The following EFHB variants were observed in gnomAD, a reference collection of about 807,000 sequenced individuals.
The protein encoded by EFHB is EF-hand domain family member B, also known as EF-hand domain-containing family member B.
Under a neutral mutation model 87.2 loss-of-function variants are expected in EFHB, and 91 were observed. That is an observed-to-expected ratio of 1.04 (90% confidence interval 0.88 to 1.24). The LOEUF (loss-of-function observed/expected upper bound fraction) is 1.24, where lower values mean the gene tolerates loss of function less well. Among genes scored for constraint, EFHB ranks in the 50% most tolerant of loss-of-function variants. EFHB has a pLI of 0.00. For synonymous variants in EFHB, 325 were observed against 333.6 expected, an observed-to-expected ratio of 0.97 and a Z score of 0.28; for missense variants, 1,084 against 998.8, an observed-to-expected ratio of 1.09 and a Z score of -1.15.
At chr3:19,904,497 C>G (rs1694773785) in intron 6 of EFHB, among the ~76,000 whole-genome samples, 2 of 152,234 alleles carry the variant, frequency 1.3e-5, no homozygotes. Flanking sequence ...TGCCACCACA[C>G]CCAGCCCATT....
chr3:19,924,874 TAAA>T (rs749988784), intron 1 of EFHB, among the ~76,000 whole-genome samples: 1 of 150,874 alleles, frequency 6.6e-6, no homozygotes, highest in South Asian at 2.1e-4. Context: ...AGTATAATAA[TAAA>T]AAAAAAGAAA....
chr3:19,920,439 G>C, intron 2 of EFHB, 66 bp downstream of exon 2: 2 of 1,313,844 alleles, frequency 1.5e-6, no homozygotes, highest in Non-Finnish European at 2.1e-6. Flanking sequence ...ACGTTGAGTT[G>C]CCTATTCCTT....
rs571985287 is a variant in EFHB at position 19,893,574 on chromosome 3, T to C, written c.1725+3113A>G. 1.1e-4 allele frequency among the ~76,000 whole-genome samples: 16 copies of C among 152,274 alleles called. No homozygotes were observed. In the South Asian group the frequency reaches 2.1e-3, roughly 20 times the overall value. ...CTGAAGACTGCATCATAAAGAAAAATGCCTTAGTGCAGTTCTCTCAAACTG... is the reference window on the plus strand; with the variant it reads ...CTGAAGACTGCATCATAAAGAAAAACGCCTTAGTGCAGTTCTCTCAAACTG... On this transcript the variant is annotated intron_variant, in intron 9 of 12. Coordinates refer to ENST00000295824, the MANE Select transcript of EFHB (RefSeq NM_144715.4).
At chr3:19,937,742 TTC>T (rs1440912388), upstream of EFHB, among the ~76,000 whole-genome samples, 1 of 152,128 alleles carries the variant, frequency 6.6e-6, no homozygotes, top group Non-Finnish European at 1.5e-5. Context: ...ACCTTATCAC[TTC>T]TCTCTCTCAG....
At chr3:19,904,261 G>A (rs914532018) in intron 6 of EFHB, among the ~76,000 whole-genome samples, 11 of 152,166 alleles carry the variant, frequency 7.2e-5, no homozygotes, top group South Asian at 6.2e-4. Context: ...AACTGATGGC[G>A]TAAAAAAATG....
At chr3:19,899,333 AATAG>A (rs1369663986) in intron 7 of EFHB, 95 bp downstream of exon 7, 2 of 732,142 alleles carry the variant, frequency 2.7e-6, no homozygotes, top group South Asian at 2.7e-5. Context: ...TTTCTTATTT[AATAG>A]ATAGAATCTA....
chr3:19,939,845 C>G (rs112937973), intron 1 of EFHB, among the ~76,000 whole-genome samples: 69 of 152,308 alleles, frequency 4.5e-4, no homozygotes, highest in Non-Finnish European at 7.2e-4. Flanking sequence ...CTAAAAAAGG[C>G]TTTGATAAAC....
chr3:19,882,433 C>T, intron 12 of EFHB, 117 bp downstream of exon 12: 1 of 960,506 alleles, frequency 1.0e-6, no homozygotes, highest in Non-Finnish European at 1.4e-6. Context: ...ATCAAGAATC[C>T]TATACTTGGG....
At chr3:19,943,261 C>G in intron 1 of EFHB, 1 of 264,406 alleles carries the variant, frequency 3.8e-6, no homozygotes. Context: ...CTGGAAAACA[C>G]CCACACAAGA....
At chr3:19,893,450 G>A (rs1694372354) in intron 9 of EFHB, among the ~76,000 whole-genome samples, 1 of 152,158 alleles carries the variant, frequency 6.6e-6, no homozygotes, top group Non-Finnish European at 1.5e-5. Context: ...GTGGCAATAG[G>A]GGGAGCGCAG....
At chr3:19,908,975 A>C (rs1396651441) in intron 5 of EFHB, among the ~76,000 whole-genome samples, 7 of 151,926 alleles carry the variant, frequency 4.6e-5, no homozygotes, top group African/African-American at 1.7e-4. Context: ...GTGGAGCAAG[A>C]CGGCAGAATA....
intron 9 of EFHB, among the ~76,000 whole-genome samples, chr3:19,892,892 A>AAAATAAAATAATAAGATG (rs1694350620): frequency 6.6e-6 from 1 of 151,352 alleles, no homozygotes; most frequent in Non-Finnish European, 1.5e-5. Context: ...AAAATAATAT[A>AAAATAAAATAATAAGATG]AAATCAGTAT....
At position 19,915,161 on chromosome 3, in the gene EFHB, G is replaced by A. The variant is rs79596608; in HGVS notation, c.1288+142C>T. 2.3e-3 allele frequency: 1,319 copies of A among 583,742 alleles called. 14 individuals carry two copies. The African/African-American group carries it at 0.024, about 11-fold the overall frequency. 36.2% of individuals were successfully genotyped at this position (583,742 alleles called of 1,614,324 possible). On this transcript the variant is annotated intron_variant, in intron 5 of 12. Transcript: ENST00000295824. The stretch of plus-strand genomic sequence containing the variant: ...AGTACAGGTTTTCCCAGCTATCATG[G>A]TTTATGACCTTATGAATAATATTGT...
intron 9 of EFHB, among the ~76,000 whole-genome samples, chr3:19,888,966 A>G (rs1694205775): frequency 6.6e-6 from 1 of 152,182 alleles, no homozygotes; most frequent in Non-Finnish European, 1.5e-5. Flanking sequence ...ATTGCCTGTT[A>G]TTAAGGAGAA....
intron 5 of EFHB, 119 bp downstream of exon 5, chr3:19,915,184 T>C: frequency 3.2e-6 from 2 of 627,764 alleles, no homozygotes; most frequent in Non-Finnish European, 5.7e-6. Context: ...TGAATAATAT[T>C]GTATTAGTTA....
chr3:19,944,066 C>G (rs1037166337), intron 1 of EFHB, among the ~76,000 whole-genome samples: 14 of 152,164 alleles, frequency 9.2e-5, no homozygotes, highest in Non-Finnish European at 1.9e-4. Flanking sequence ...ACATGACTAG[C>G]TTAAGTTTTC....
intron 1 of EFHB, among the ~76,000 whole-genome samples, chr3:19,926,129 C>T (rs1446627869): frequency 1.3e-5 from 2 of 150,812 alleles, no homozygotes; most frequent in African/African-American, 5.0e-5. Context: ...GGCACCTTTC[C>T]CTCCACCTAT....
At chr3:19,940,695 C>T (rs769864444) in intron 1 of EFHB, 23 of 355,362 alleles carry the variant, frequency 6.5e-5, no homozygotes, top group Non-Finnish European at 1.2e-4. Context: ...TGTTCTTTTT[C>T]CTGTACTCTT....
chr3:19,916,496 C>T (rs962965869), intron 4 of EFHB, among the ~76,000 whole-genome samples: 2 of 151,678 alleles, frequency 1.3e-5, no homozygotes, highest in African/African-American at 4.8e-5. Flanking sequence ...GCCTGGGCAA[C>T]AGAGTGAGAC....
Sources: allele counts gnomAD v4.1 joint callset (sites outside exome capture counted in the v4.1 genomes callset), GRCh38; gene constraint gnomAD v4.1.1; transcripts MANE v1.5; gene names NCBI Gene and HGNC (gene_info 2026-07-23, HGNC 2026-07-21).